LARGE1: variants seen among roughly 807,000 people sequenced by gnomAD.
LARGE1 encodes the protein xylosyl- and glucuronyltransferase LARGE1.
LARGE1 carries 43 observed loss-of-function variants against 87.6 expected under a neutral mutation model. The ratio of observed to expected loss-of-function variants is 0.49; its 90% CI spans 0.38 to 0.63. LARGE1 has a LOEUF of 0.63. LARGE1 is among the 30% of genes least tolerant of loss of function. The pLI is 0.00. For missense variants in LARGE1, 802 were observed against 1,000.2 expected (o/e 0.80, Z 2.67); for synonymous variants, 434 against 394.6 (o/e 1.10, Z -1.18).
At chr22:33,348,918 T>C (rs1940085980) in intron 9 of LARGE1, among the ~76,000 whole-genome samples, 2 of 152,214 alleles carry the variant, frequency 1.3e-5, no homozygotes, top group East Asian at 3.9e-4. Context: ...CTCTTGATTA[T>C]GAATAAGTCT....
chr22:33,286,874 T>C (rs565934673), intron 12 of LARGE1, among the ~76,000 whole-genome samples: 14 of 152,324 alleles, frequency 9.2e-5, no homozygotes, highest in Middle Eastern at 3.4e-3. Context: ...CCCCTTTCTA[T>C]GGGGGCAACC....
exon 12 of LARGE1, chr22:33,162,604 G>C (rs1922069695): frequency 6.6e-6 from 1 of 152,120 alleles, no homozygotes; most frequent in Non-Finnish European, 1.5e-5. Context: ...GATCAACTTT[G>C]CTGGCAAGGA....
At chr22:33,794,727 C>G (rs62225446) in intron 1 of LARGE1, among the ~76,000 whole-genome samples, 11 of 152,102 alleles carry the variant, frequency 7.2e-5, no homozygotes, top group African/African-American at 2.4e-4. Flanking sequence ...TCAAGCAATT[C>G]TCCTGACTCA....
At chr22:33,216,838 C>T (rs1925229515) in intron 11 of LARGE1, among the ~76,000 whole-genome samples, 1 of 152,116 alleles carries the variant, frequency 6.6e-6, no homozygotes, top group Non-Finnish European at 1.5e-5. Context: ...ATGCAGGAGA[C>T]TGCAGTGGGA....
intron 9 of LARGE1, 37 bp from the exon 10 acceptor site, chr22:33,337,838 G>T: frequency 1.2e-6 from 2 of 1,611,274 alleles, no homozygotes; most frequent in Non-Finnish European, 8.5e-7. Context: ...GGTATGGCAG[G>T]GGTGGGGTGG....
chr22:33,220,642 G>A (rs1380956979), intron 11 of LARGE1, among the ~76,000 whole-genome samples: 1 of 152,198 alleles, frequency 6.6e-6, no homozygotes, highest in Non-Finnish European at 1.5e-5. Context: ...AGGTATTGAG[G>A]GATAATCTTA....
the LARGE1 span, among the ~76,000 whole-genome samples, chr22:33,139,954 T>A: frequency 6.6e-6 from 1 of 152,222 alleles, no homozygotes; most frequent in Non-Finnish European, 1.5e-5. Flanking sequence ...AGTGACACTC[T>A]TGCTTTATGA....
intron 1 of LARGE1, among the ~76,000 whole-genome samples, chr22:33,884,032 G>C (rs1411045096): frequency 1.3e-5 from 2 of 152,208 alleles, no homozygotes; most frequent in Non-Finnish European, 2.9e-5. Context: ...ACTTAGAACA[G>C]TGCCTCATAT....
chr22:33,407,443 C>G (rs2147388252), intron 7 of LARGE1, among the ~76,000 whole-genome samples: 1 of 152,292 alleles, frequency 6.6e-6, no homozygotes, highest in East Asian at 1.9e-4. Context: ...TTGTGCATAT[C>G]TTTCCAGTTG....
At chr22:33,695,961 T>A (rs1478749245) in intron 2 of LARGE1, among the ~76,000 whole-genome samples, 1 of 152,192 alleles carries the variant, frequency 6.6e-6, no homozygotes, top group Non-Finnish European at 1.5e-5. Flanking sequence ...GTCCCCAAAC[T>A]CGATCTATTA....
At chr22:33,723,513 T>C (rs866640029) in intron 2 of LARGE1, among the ~76,000 whole-genome samples, 2 of 152,188 alleles carry the variant, frequency 1.3e-5, no homozygotes, top group South Asian at 2.1e-4. Flanking sequence ...TGCTTGCTGA[T>C]TCCAAAAACC....
intron 7 of LARGE1, among the ~76,000 whole-genome samples, chr22:33,396,578 A>G (rs1464240108): frequency 6.6e-6 from 1 of 151,946 alleles, no homozygotes; most frequent in Non-Finnish European, 1.5e-5. Context: ...GGTTTTTCTC[A>G]AGTGTGAATG....
At chr22:33,685,237 G>A (rs767523441) in intron 2 of LARGE1, among the ~76,000 whole-genome samples, 71 of 152,150 alleles carry the variant, frequency 4.7e-4, no homozygotes, top group Non-Finnish European at 9.4e-4. Context: ...CAAATGCCAG[G>A]GGGTATTAAT....
intron 9 of LARGE1, among the ~76,000 whole-genome samples, chr22:33,345,277 G>A (rs1303718599): frequency 6.6e-6 from 1 of 152,132 alleles, no homozygotes; most frequent in Non-Finnish European, 1.5e-5. Context: ...CTAGAAAGTA[G>A]GAGAGTCAGG....
chr22:33,518,740 T>C (rs947001653), intron 6 of LARGE1, among the ~76,000 whole-genome samples: 1 of 152,130 alleles, frequency 6.6e-6, no homozygotes, highest in Non-Finnish European at 1.5e-5. Flanking sequence ...CCAAGGAGAA[T>C]TCACTAGGAC....
At chr22:33,478,741 A>G (rs2069184033) in intron 6 of LARGE1, among the ~76,000 whole-genome samples, 2 of 152,078 alleles carry the variant, frequency 1.3e-5, no homozygotes, top group South Asian at 4.1e-4. Flanking sequence ...CCTAGGAGGA[A>G]TCTAGTAGGT....
At chr22:33,457,811 C>T (rs2068202293) in intron 6 of LARGE1, among the ~76,000 whole-genome samples, 1 of 152,060 alleles carries the variant, frequency 6.6e-6, no homozygotes, top group Admixed American at 6.5e-5. Context: ...GCCTTCCAGG[C>T]TGAGGAAAGA....
chr22:33,111,979 T>C, the LARGE1 span, among the ~76,000 whole-genome samples: 13 of 152,244 alleles, frequency 8.5e-5, no homozygotes, highest in Non-Finnish European at 1.5e-4. Flanking sequence ...GAACGTAGAA[T>C]ATGGGAAATA....
intron 4 of LARGE1, among the ~76,000 whole-genome samples, chr22:33,623,817 G>A (rs946215963): frequency 6.6e-6 from 1 of 152,000 alleles, no homozygotes; most frequent in Non-Finnish European, 1.5e-5. Flanking sequence ...GATCACCTGA[G>A]GTCAGGAGTT....
Sources: allele counts gnomAD v4.1 joint callset (sites outside exome capture counted in the v4.1 genomes callset), GRCh38; gene constraint gnomAD v4.1.1; transcripts MANE v1.5; gene names NCBI Gene and HGNC (gene_info 2026-07-23, HGNC 2026-07-21).